Variants in ADAMTSL5 observed in about 807,000 individuals in gnomAD.
ADAMTSL5 encodes ADAMTS-like protein 5.
A neutral mutation model predicts 51.7 loss-of-function variants in ADAMTSL5; 53 were observed. The observed-to-expected ratio is 1.03, with a 90% confidence interval of 0.82 to 1.29. The LOEUF is 1.29. ADAMTSL5 is among the 50% of genes most tolerant of loss of function. The pLI, the probability that ADAMTSL5 is intolerant of heterozygous loss-of-function variation, is 0.00. For synonymous variants in ADAMTSL5, 285 were observed against 278.7 expected (o/e 1.02, Z -0.23); for missense variants, 770 against 676.2 (o/e 1.14, Z -1.54).
chr19:1,510,867 C>T lies in ADAMTSL5; in HGVS notation c.77G>A (p.Cys26Tyr). 2 of 1,537,214 alleles carry T rather than the reference C, an allele frequency of 1.3e-6. No individual in the cohort carries two copies. Among genetic ancestry groups the T allele is most frequent in the Non-Finnish European group, 1.7e-6 (2 of 1,149,482 alleles). Residue 26 changes from cysteine (C) to tyrosine (Y), a missense_variant, in exon 2 of 12, where the codon TGT becomes TAT. Coordinates refer to ENST00000330475, the MANE Select transcript of ADAMTSL5 (RefSeq NM_213604.3). ...LLLFLWALLNCGLGVSAQGPG... is the reference protein window; with the variant it reads ...LLLFLWALLNYGLGVSAQGPG... ...TACCTGAGCACTGACCCCCAAACCA[C>T]AGTTCAGCAGGGCCCACAGGAAGAG... is the stretch of plus-strand genomic sequence containing the variant.
chr19:1,508,163 G>T, intron 6 of ADAMTSL5, 54 bp from the exon 7 acceptor site: 1 of 1,471,928 alleles, frequency 6.8e-7, no homozygotes, highest in East Asian at 2.4e-5. Context: ...GGCAGGACCT[G>T]GGGAAAGGGC....
rs1912927622 is a variant in ADAMTSL5, at chr19:1,506,429, G to C, written c.1115-113C>G. On this transcript the variant is annotated intron_variant, in intron 11 of 11. Coordinates refer to ENST00000330475, the MANE Select transcript of ADAMTSL5 (RefSeq NM_213604.3). The surrounding 1 kb of genome is among the most constrained non-coding windows in gnomAD (Gnocchi z 5.6). ...TCAGGTGGGACCTCGGGATCTATAG[G>C]GACTAGAGTCAGGATCACGTCAGGG... 1.4e-6 allele frequency: 2 copies of C among 1,459,836 alleles called. No individual in the cohort carries two copies. Among genetic ancestry groups the C allele is most frequent in the Non-Finnish European group, 1.9e-6 (2 of 1,072,722 alleles). 90.4% of individuals were successfully genotyped at this position (1,459,836 alleles called of 1,614,324 possible). A position where few individuals can be genotyped will look rare whatever the true frequency, so the allele number is the denominator to read the frequency against.
intron 5 of ADAMTSL5, among the ~76,000 whole-genome samples, chr19:1,509,254 C>CAAAAAAA (rs753778097): frequency 2.6e-4 from 13 of 49,540 alleles, no homozygotes; most frequent in African/African-American, 6.9e-4. Context: ...GACTCCATCT[C>CAAAAAAA]AAAAAAAAAA....
chr19:1,512,124 C>T (rs1441365728), intron 1 of ADAMTSL5, among the ~76,000 whole-genome samples: 1 of 152,170 alleles, frequency 6.6e-6, no homozygotes, highest in Non-Finnish European at 1.5e-5. Context: ...GCCAAGTGAG[C>T]CAGGGCGTCC....
Position 1,510,657 on chromosome 19 carries a change from C to A in ADAMTSL5, c.173G>T (p.Arg58Leu), listed in dbSNP as rs1247502734. 2 of 1,538,972 alleles carry A rather than the reference C, an allele frequency of 1.3e-6. No homozygotes were observed. Among genetic ancestry groups the A allele is most frequent in the Admixed American group, 2.0e-5 (1 of 50,234 alleles). Residue 58 changes from arginine to leucine, a missense_variant, in exon 3 of 12, where the codon CGC becomes CTC. Arg to Leu is a moderately radical substitution (Grantham distance 102, BLOSUM62 -2). Transcript: ENST00000330475. ...CGCTCACCGGAGGCAGCGCCGGCTGCGCACAGAGACGCCACGCCCGCAGGA... is the reference window on the plus strand; with the variant it reads ...CGCTCACCGGAGGCAGCGCCGGCTGAGCACAGAGACGCCACGCCCGCAGGA... Reference protein sequence around the residue: ...SSSCGRGVSVRSRRCLRLPGE... With the variant: ...SSSCGRGVSVLSRRCLRLPGE...
rs565841291 is a variant in ADAMTSL5 at position 1,509,842 on chromosome 19, C to T, written c.361+308G>A. On this transcript the variant is annotated intron_variant, in intron 5 of 11. Transcript: ENST00000330475. Reference sequence around the variant, plus strand: ...GACCCGGGCACGTAGTTATATAACTCGCTATTTTCAGCTCAATGCAGCAAC... The same window carrying T: ...GACCCGGGCACGTAGTTATATAACTTGCTATTTTCAGCTCAATGCAGCAAC... Among the ~76,000 whole-genome samples, 9 of 152,178 alleles carry T rather than the reference C, an allele frequency of 5.9e-5. No homozygotes were observed. In the East Asian group the frequency reaches 9.6e-4, roughly 16 times the overall value.
Position 1,508,473 on chromosome 19 carries a change from G to A in ADAMTSL5, c.459C>T (p.Ala153=). 2 of 1,579,638 alleles carry A rather than the reference G, an allele frequency of 1.3e-6. No individual in the cohort carries two copies. Among genetic ancestry groups the A allele is most frequent in the Non-Finnish European group, 1.7e-6 (2 of 1,169,604 alleles). Residue 153 remains alanine, a synonymous_variant, in exon 6 of 12, where the codon GCC becomes GCT. Coordinates refer to ENST00000330475, the MANE Select transcript of ADAMTSL5 (RefSeq NM_213604.3). ...VLDGTACSPG[A]QGVCVAGRCL... is the part of the protein sequence containing the mutation. ...AGCGGCCAGCCACGCAGACCCCCTG[G>A]GCACCCGGGCTGCAGGCGGTGCCGT...
chr19:1,507,769 G>A (rs1913026023), intron 7 of ADAMTSL5, 126 bp from the exon 8 acceptor site: 3 of 1,075,228 alleles, frequency 2.8e-6, no homozygotes, highest in Admixed American at 2.1e-5. Context: ...AAAACCCTCC[G>A]TAAACGTTTG....
Position 1,508,107 on chromosome 19 carries a change from G to C in ADAMTSL5, c.492C>G (p.Ser164Arg). The change falls in exon 7 of 12, where the codon AGC becomes AGG. Residue 164 changes from serine (S) to arginine (R), a missense_variant and splice_region_variant. Transcript: ENST00000330475. Reference sequence around the variant, plus strand: ...AGCCCAACAACCCATCACAGCCGGCGCTCTAAAGGGTGAAGGACAGGCGCG... The same window carrying C: ...AGCCCAACAACCCATCACAGCCGGCCCTCTAAAGGGTGAAGGACAGGCGCG... Reference protein sequence around the residue: ...QGVCVAGRCLSAGCDGLLGSG... With the variant: ...QGVCVAGRCLRAGCDGLLGSG... 4 of 1,607,788 alleles carry C rather than the reference G, an allele frequency of 2.5e-6. No homozygotes were observed. The highest frequency in any genetic ancestry group is 3.4e-6 in the Non-Finnish European group (4 of 1,177,634).
rs758428912 is a variant in ADAMTSL5, at chr19:1,507,242, C to T, written c.852G>A (p.Gln284=). The change falls in exon 9 of 12, where the codon CAG becomes CAA. Residue 284 remains glutamine, a splice_region_variant and synonymous_variant. Transcript: ENST00000330475. ...AGPTSHDLLL[Q]VLLQEPNPGI... ...GACCCTGTTGGAGGCCCAGTGGCACCTGTAGGAGCAGGTCATGGGAGGTGG... is the reference window on the plus strand; with the variant it reads ...GACCCTGTTGGAGGCCCAGTGGCACTTGTAGGAGCAGGTCATGGGAGGTGG... 1 of 1,531,400 alleles carries T rather than the reference C, an allele frequency of 6.5e-7. No homozygotes were observed. Among genetic ancestry groups the T allele is most frequent in the Non-Finnish European group, 8.8e-7 (1 of 1,141,010 alleles). 94.9% of individuals were successfully genotyped at this position (1,531,400 alleles called of 1,614,324 possible).
At position 1,506,908 on chromosome 19, in the gene ADAMTSL5, G is replaced by T. The variant is rs1307956734; in HGVS notation, c.873C>A (p.Asn291Lys). Residue 291 changes from asparagine to lysine, a missense_variant, in exon 10 of 12, where the codon AAC becomes AAA. Transcript: ENST00000330475. This position sits in a 1 kb window ranked among gnomAD's most constrained non-coding sequence, Gnocchi z 5.6. ...GCCAGAACTCAAACTCGATGCCAGG[G>T]TTGGGCTCCTGCAGGAGGACCTGGA... ...LLLQVLLQEP[N>K]PGIEFEFWLP... is the part of the protein sequence containing the mutation. 6.5e-7 allele frequency: 1 copy of T among 1,548,576 alleles called. No homozygotes were observed.
In ADAMTSL5 at chr19:1,506,720, C is replaced by G. The variant is rs1400188781; in HGVS notation, c.1042+19G>C. 1 of 1,557,790 alleles carries G rather than the reference C, an allele frequency of 6.4e-7. No individual in the cohort carries two copies. Among genetic ancestry groups the G allele is most frequent in the Admixed American group, 1.9e-5 (1 of 51,364 alleles). On this transcript the variant is annotated intron_variant, in intron 10 of 11. Transcript: ENST00000330475. This position sits in a 1 kb window ranked among gnomAD's most constrained non-coding sequence, Gnocchi z 5.6. ...CCTCAGTCCCCACTCATCCCCCACC[C>G]TGGCTGTCCCCACCTCACCTGGGGC... is the stretch of plus-strand genomic sequence containing the variant.
At position 1,510,189 on chromosome 19, in the gene ADAMTSL5, C is replaced by A. The variant is rs1249811978; in HGVS notation, c.322G>T (p.Gly108Cys). ...ACCCACTGGTAGGTCTTCTGGGTGC[C>A]CAGGACAGGGCGGCCATTGTACAGG... ...CALYNGRPVLGTQKTYQWVPF... is the reference protein window; with the variant it reads ...CALYNGRPVLCTQKTYQWVPF... The change falls in exon 5 of 12, where the codon GGC (glycine) becomes TGC (cysteine). Residue 108 changes from glycine to cysteine, a missense_variant. By Grantham distance (159) the Gly-to-Cys change is radical. Transcript: ENST00000330475. 1 of 1,612,938 alleles carries A rather than the reference C, an allele frequency of 6.2e-7. No individual in the cohort carries two copies. The highest frequency in any genetic ancestry group is 8.5e-7 in the Non-Finnish European group (1 of 1,179,860).
chr19:1,508,619 G>C, intron 5 of ADAMTSL5, 49 bp from the exon 6 acceptor site: 1 of 1,465,424 alleles, frequency 6.8e-7, no homozygotes, highest in Non-Finnish European at 9.0e-7. Context: ...TCGAGCTCCA[G>C]TCCCCCTCTA....
intron 1 of ADAMTSL5, among the ~76,000 whole-genome samples, chr19:1,511,933 G>C (rs567567056): frequency 6.6e-6 from 1 of 152,354 alleles, no homozygotes; most frequent in African/African-American, 2.4e-5. Context: ...ACTGAGCTCC[G>C]GGGCAGCCCG....
chr19:1,508,727 T>C, intron 5 of ADAMTSL5, 157 bp from the exon 6 acceptor site: 1 of 1,068,228 alleles, frequency 9.4e-7, no homozygotes, highest in Non-Finnish European at 1.3e-6. Context: ...GACTGGACCG[T>C]AGGTGCTCTG....
chr19:1,510,710 C>T lies in ADAMTSL5; in HGVS notation c.120G>A (p.Pro40=), dbSNP rs754942194. The T allele has an allele frequency of 3.8e-5, 59 of 1,542,132 alleles. No individual in the cohort carries two copies. Among genetic ancestry groups the T allele is most frequent in the Non-Finnish European group, 3.1e-5 (36 of 1,142,970 alleles). ...VSAQGPGEWT[P]WVSWTRCSSS... ...TGGAGCAGCGGGTCCAGGACACCCA[C>T]GGGGTCCACTCGCCCGGACCCTACT... is the stretch of plus-strand genomic sequence containing the variant. The change falls in exon 3 of 12, where the codon CCG becomes CCA. Residue 40 remains proline, a synonymous_variant. Transcript: ENST00000330475.
chr19:1,507,725 G>A (rs1394544289), intron 7 of ADAMTSL5, 82 bp from the exon 8 acceptor site: 4 of 1,373,892 alleles, frequency 2.9e-6, no homozygotes, highest in East Asian at 4.7e-5. Context: ...GAGCTACTGC[G>A]GGTAAGACAG....
At chr19:1,508,320 G>A in intron 6 of ADAMTSL5, 123 bp downstream of exon 6, 3 of 1,032,378 alleles carry the variant, frequency 2.9e-6, no homozygotes, top group Non-Finnish European at 2.5e-6. Flanking sequence ...AGGGGAGGGG[G>A]AAGGCGGTGG....
Sources: gnomAD v4.1 joint callset for allele counts (sites outside exome capture counted in the v4.1 genomes callset) on GRCh38, gnomAD v4.1.1 for gene constraint, Gnocchi (gnomAD v3.1) non-coding constraint, MANE v1.5 for transcripts, NCBI Gene and HGNC (gene_info 2026-07-23, HGNC 2026-07-21) for gene names.